Variants in ABI3BP observed in about 807,000 individuals in gnomAD.
ABI3BP encodes ABI family member 3 binding protein, also known as target of Nesh-SH3.
ABI3BP carries 216 observed loss-of-function variants against 268.6 expected under a neutral mutation model. That is an observed-to-expected ratio of 0.80 (90% CI 0.72 to 0.90). The LOEUF (loss-of-function observed/expected upper bound fraction) is 0.90. ABI3BP is among the 40% of genes least tolerant of loss of function. The probability of loss-of-function intolerance (pLI) is 0.00; values close to 1 mark genes in which losing one functional copy is unlikely to be tolerated. For synonymous variants in ABI3BP, 730 were observed against 730.0 expected (o/e 1.00, Z 0.00); for missense variants, 2,090 against 2,182.4 (o/e 0.96, Z 0.84).
rs770132921 is a variant in ABI3BP at position 100,847,670 on chromosome 3, C to A, written c.1580G>T (p.Arg527Ile). ...TGTAATTGTTCCGGCACTTGTGGTTCTTTCTGGTGATGGAAAGGAAAAAAA... is the reference window on the plus strand; with the variant it reads ...TGTAATTGTTCCGGCACTTGTGGTTATTTCTGGTGATGGAAAGGAAAAAAA... Reference protein sequence around the residue: ...RPKPPRTKPERTTSAGTITPK... With the variant: ...RPKPPRTKPEITTSAGTITPK... Residue 527 changes from arginine to isoleucine, a missense_variant, in exon 19 of 68, where the codon AGA becomes ATA. Coordinates refer to ENST00000471714, the MANE Select transcript of ABI3BP (RefSeq NM_001375547.2). 6.2e-7 allele frequency: 1 copy of A among 1,613,194 alleles called. No individual in the cohort carries two copies. The highest frequency in any genetic ancestry group is 1.3e-5 in the African/African-American group (1 of 74,854).
In ABI3BP at chr3:100,842,045, A is replaced by G; in HGVS notation, c.1724-6T>C. 2.0e-6 allele frequency: 3 copies of G among 1,533,754 alleles called. No individual in the cohort carries two copies. The South Asian group carries it at 3.6e-5, about 18-fold the overall frequency. On this transcript the variant is annotated splice_polypyrimidine_tract_variant and splice_region_variant and intron_variant, in intron 20 of 67. Transcript: ENST00000471714. ...TAGAGTCTGAGGTTCTGGGGCTGTAATAAAAGCAAGTAATATCAAAAGCAA... is the reference window on the plus strand; with the variant it reads ...TAGAGTCTGAGGTTCTGGGGCTGTAGTAAAAGCAAGTAATATCAAAAGCAA...
intron 48 of ABI3BP, 43 bp downstream of exon 48, chr3:100,811,187 T>C (rs1457135160): frequency 6.7e-7 from 1 of 1,498,122 alleles, no homozygotes. Context: ...ATGGTGGCAA[T>C]GAAGACAGAG....
chr3:100,933,643 A>ATATATC (rs1197489580), intron 1 of ABI3BP, among the ~76,000 whole-genome samples: 4 of 150,558 alleles, frequency 2.7e-5, no homozygotes, highest in South Asian at 2.1e-4. Context: ...ATATATATAT[A>ATATATC]TATCTATTGA....
chr3:100,929,555 A>T (rs938307110), intron 1 of ABI3BP, among the ~76,000 whole-genome samples: 5 of 152,118 alleles, frequency 3.3e-5, no homozygotes, highest in Admixed American at 1.3e-4. Flanking sequence ...CATACAGACA[A>T]ATCTCATCTC....
chr3:100,760,460 T>G (rs1178033879), intron 63 of ABI3BP, among the ~76,000 whole-genome samples: 1 of 152,158 alleles, frequency 6.6e-6, no homozygotes, highest in Non-Finnish European at 1.5e-5. Flanking sequence ...TAGAAACAAT[T>G]CATCTGAAAA....
intron 62 of ABI3BP, among the ~76,000 whole-genome samples, chr3:100,769,271 A>C (rs191024073): frequency 3.6e-4 from 55 of 152,338 alleles, no homozygotes; most frequent in Non-Finnish European, 1.3e-4. Flanking sequence ...GCAGCTAAAG[A>C]GATGTGATCC....
At chr3:100,962,758 G>A (rs977720607) in intron 1 of ABI3BP, among the ~76,000 whole-genome samples, 1 of 152,084 alleles carries the variant, frequency 6.6e-6, no homozygotes, top group African/African-American at 2.4e-5. Flanking sequence ...TCATCTACCT[G>A]GTCATTATAT....
chr3:100,874,796 G>T, intron 9 of ABI3BP, 45 bp downstream of exon 9: 1 of 1,149,178 alleles, frequency 8.7e-7, no homozygotes, highest in Non-Finnish European at 1.3e-6. Context: ...ATCAGTGCTA[G>T]TACTCAGTTA....
At chr3:100,888,175 A>G (rs2042857938) in intron 4 of ABI3BP, among the ~76,000 whole-genome samples, 1 of 152,072 alleles carries the variant, frequency 6.6e-6, no homozygotes, top group Admixed American at 6.6e-5. Flanking sequence ...CCCCCATTCC[A>G]AAGTAGCAGA....
At chr3:100,922,061 T>C (rs977718518) in intron 2 of ABI3BP, among the ~76,000 whole-genome samples, 4 of 152,242 alleles carry the variant, frequency 2.6e-5, no homozygotes, top group Non-Finnish European at 4.4e-5. Flanking sequence ...CACTACCTTA[T>C]TACAAAAGAA....
In ABI3BP at chr3:100,752,799, C is replaced by A. The variant is rs369382402; in HGVS notation, c.5110G>T (p.Asp1704Tyr). 2.5e-6 allele frequency: 4 copies of A among 1,612,902 alleles called. No individual in the cohort carries two copies. The highest frequency in any genetic ancestry group is 1.7e-4 in the Middle Eastern group (1 of 6,046). The stretch of plus-strand genomic sequence containing the variant: ...TAGCTCTGCTTACCTGTGAGGGAGT[C>A]GCTCAAGTAAATCTTGTATCTGAGA... ...NSLRYKIYLS[D>Y]SLTGKFYNIG... The change falls in exon 66 of 68, where the codon GAC becomes TAC. Residue 1704 changes from aspartate to tyrosine, a missense_variant. Physicochemically the swap from Asp to Tyr is radical, Grantham distance 160. Transcript: ENST00000471714.
At chr3:100,811,427 T>A in intron 47 of ABI3BP, 150 bp from the exon 48 acceptor site, 1 of 654,944 alleles carries the variant, frequency 1.5e-6, no homozygotes, top group South Asian at 2.3e-5. Context: ...GGGAGAAAAA[T>A]CCTATTCTAT....
rs2152496674 is a variant in ABI3BP, at chr3:100,811,761, C to A, written c.3460G>T (p.Ala1154Ser). 1 of 1,535,510 alleles carries A rather than the reference C, an allele frequency of 6.5e-7. No homozygotes were observed. Among genetic ancestry groups the A allele is most frequent in the East Asian group, 2.4e-5 (1 of 40,906 alleles). The change falls in exon 47 of 68, where the codon GCA becomes TCA. Residue 1154 changes from alanine (A) to serine (S), a missense_variant. Physicochemically the swap from Ala to Ser is moderately conservative, Grantham distance 99 (BLOSUM62 1). Coordinates refer to ENST00000471714, the MANE Select transcript of ABI3BP (RefSeq NM_001375547.2). ...TTTGGCTCCTCTGGCCAGAGTGGTG[C>A]TTTGGCAGTGGGATATACATAGTCT... ...KTDYVYPTAKAPLWPEEPKTE... is the reference protein window; with the variant it reads ...KTDYVYPTAKSPLWPEEPKTE...
intron 1 of ABI3BP, among the ~76,000 whole-genome samples, chr3:100,976,689 G>A (rs896261864): frequency 6.6e-6 from 1 of 152,204 alleles, no homozygotes; most frequent in Non-Finnish European, 1.5e-5. Context: ...TCAAGATGGG[G>A]TCTAAGCTAA....
intron 4 of ABI3BP, among the ~76,000 whole-genome samples, chr3:100,891,849 T>C (rs1003454278): frequency 5.3e-5 from 8 of 152,234 alleles, no homozygotes; most frequent in Non-Finnish European, 1.2e-4. Context: ...GTTTCAAAAG[T>C]GAGCTTGCAC....
At chr3:100,834,589 A>G in intron 29 of ABI3BP, 95 bp downstream of exon 29, 1 of 1,190,204 alleles carries the variant, frequency 8.4e-7, no homozygotes, top group Non-Finnish European at 1.2e-6. Context: ...CTTCACCCCA[A>G]GGGTCAAGTG....
At chr3:100,974,803 A>G (rs2085304692) in intron 1 of ABI3BP, among the ~76,000 whole-genome samples, 1 of 152,214 alleles carries the variant, frequency 6.6e-6, no homozygotes, top group Admixed American at 6.5e-5. Flanking sequence ...AGATTAAGAT[A>G]TAACTACAGA....
At chr3:100,850,604 C>T (rs1311363285) in intron 16 of ABI3BP, 56 bp downstream of exon 16, 2 of 1,331,068 alleles carry the variant, frequency 1.5e-6, no homozygotes, top group East Asian at 4.6e-5. Context: ...AAGGCATTCA[C>T]ATGATTTTTT....
rs60261694 is a variant in ABI3BP at position 100,841,194 on chromosome 3, C to CTTTTTTTTTTTTTTTT, written c.1766-352_1766-337dup. ...AATTGGCTAAGATGGCATTAGAACA[C>CTTTTTTTTTTTTTTTT]TTTTTTTTTTTTTTTTTTTTTTTTT... On this transcript the variant is annotated intron_variant, in intron 21 of 67. Transcript: ENST00000471714. Among the ~76,000 whole-genome samples, 27 of 39,630 alleles carry CTTTTTTTTTTTTTTTT rather than the reference C, an allele frequency of 6.8e-4. 6 individuals carry two copies. Among genetic ancestry groups the CTTTTTTTTTTTTTTTT allele is most frequent in the Non-Finnish European group, 7.7e-4 (18 of 23,312 alleles). 26.0% of individuals were successfully genotyped at this position (39,630 alleles called of 152,430 possible). A position where few individuals can be genotyped will look rare whatever the true frequency, so the allele number is the denominator to read the frequency against.
Sources: gnomAD v4.1 joint callset for allele counts (sites outside exome capture counted in the v4.1 genomes callset) on GRCh38, gnomAD v4.1.1 for gene constraint, MANE v1.5 for transcripts, NCBI Gene and HGNC (gene_info 2026-07-23, HGNC 2026-07-21) for gene names.